Variants in CSMD1 observed in about 807,000 individuals in gnomAD.
CSMD1 encodes CUB and Sushi multiple domains 1.
A neutral mutation model predicts 417.5 loss-of-function variants in CSMD1; 213 were observed. That is an observed-to-expected ratio of 0.51 (90% CI 0.46 to 0.57). The LOEUF is 0.57. CSMD1 is among the 20% of genes least tolerant of loss of function. CSMD1 has a pLI of 0.00. For missense variants in CSMD1, 6,923 were observed against 4,529.7 expected (o/e 1.53, Z -15.17); for synonymous variants, 2,862 against 1,736.8 (o/e 1.65, Z -16.11).
chr8:2,992,788 G>C (rs1028764118), intron 54 of CSMD1, among the ~76,000 whole-genome samples: 4 of 151,948 alleles, frequency 2.6e-5, no homozygotes, highest in Non-Finnish European at 2.9e-5. Flanking sequence ...TGTTGCCCAG[G>C]CTGGAAGTGC....
intron 21 of CSMD1, among the ~76,000 whole-genome samples, chr8:3,356,885 G>C (rs985777662): frequency 6.6e-6 from 1 of 152,128 alleles, no homozygotes; most frequent in South Asian, 2.1e-4. Context: ...TGATTGCTCT[G>C]ATTAGTAGGG....
In CSMD1 at chr8:3,308,507, C is replaced by G. The variant is rs375126893; in HGVS notation, c.3632-4G>C. On this transcript the variant is annotated splice_region_variant and splice_polypyrimidine_tract_variant and intron_variant, in intron 23 of 69. Transcript: ENST00000635120. ...TCACATTTTACCAGATCAAAACCTG[C>G]AAGAGAGAAAGGCAAGGAATGAACA... 1.2e-6 allele frequency: 2 copies of G among 1,606,050 alleles called. No homozygotes were observed. Among genetic ancestry groups the G allele is most frequent in the Admixed American group, 1.7e-5 (1 of 59,572 alleles).
intron 1 of CSMD1, among the ~76,000 whole-genome samples, chr8:4,900,655 T>C (rs953637401): frequency 1.3e-5 from 2 of 152,328 alleles, no homozygotes; most frequent in East Asian, 3.9e-4. Flanking sequence ...GTACTCGCCC[T>C]ACTCTCTGCT....
chr8:4,326,739 T>G (rs1460007634), intron 3 of CSMD1, among the ~76,000 whole-genome samples: 4 of 151,982 alleles, frequency 2.6e-5, no homozygotes. Context: ...CTTGATGGAA[T>G]AGTAATGCCC....
intron 5 of CSMD1, among the ~76,000 whole-genome samples, chr8:3,811,861 T>G (rs1388900841): frequency 6.6e-6 from 1 of 152,188 alleles, no homozygotes; most frequent in Admixed American, 6.5e-5. Flanking sequence ...TTTGTCTTAC[T>G]TAAGCCACTA....
At chr8:4,122,680 G>A (rs1348380091) in intron 3 of CSMD1, among the ~76,000 whole-genome samples, 1 of 152,160 alleles carries the variant, frequency 6.6e-6, no homozygotes, top group Admixed American at 6.5e-5. Flanking sequence ...ACCCTCAGGG[G>A]CTGCAGCTGG....
At chr8:3,419,138 C>T (rs1186290666) in intron 12 of CSMD1, among the ~76,000 whole-genome samples, 1 of 152,210 alleles carries the variant, frequency 6.6e-6, no homozygotes, top group Non-Finnish European at 1.5e-5. Flanking sequence ...GCAAGCTGCG[C>T]TGTTCTCTAA....
chr8:3,673,467 C>G (rs1015815053), intron 7 of CSMD1, among the ~76,000 whole-genome samples: 1 of 152,216 alleles, frequency 6.6e-6, no homozygotes, highest in African/African-American at 2.4e-5. Flanking sequence ...TTATGACAAG[C>G]AAGAATGTGT....
chr8:4,594,287 T>G (rs1405859330), intron 2 of CSMD1, among the ~76,000 whole-genome samples: 1 of 140,976 alleles, frequency 7.1e-6, no homozygotes, highest in Non-Finnish European at 1.5e-5. Context: ...CACTGCAACC[T>G]CTGACTCCTG....
intron 3 of CSMD1, among the ~76,000 whole-genome samples, chr8:4,106,202 G>A (rs80302460): frequency 6.6e-6 from 1 of 152,202 alleles, no homozygotes; most frequent in African/African-American, 2.4e-5. Flanking sequence ...AGATCTATGA[G>A]AGGAATCCAG....
intron 3 of CSMD1, among the ~76,000 whole-genome samples, chr8:4,209,670 G>A (rs112827303): frequency 6.6e-5 from 10 of 152,248 alleles, no homozygotes; most frequent in African/African-American, 2.4e-4. Flanking sequence ...CACCCAGGAA[G>A]GAAATCAAGG....
chr8:2,937,659 GT>G lies in CSMD1; in HGVS notation c.*925del, dbSNP rs1329237906. On this transcript the variant is annotated 3_prime_UTR_variant, in exon 70 of 70. Transcript: ENST00000635120. ...AAACGTGTGAAATAAGGAGGCTTCT[GT>G]TTTTTTCTCATTGGACCTCTTCAAT... The G allele has an allele frequency of 1.3e-5, 2 of 152,130 alleles. No homozygotes were observed. The highest frequency in any genetic ancestry group is 1.5e-5 in the Non-Finnish European group (1 of 68,034). 9.4% of individuals were successfully genotyped at this position (152,130 alleles called of 1,614,324 possible). A position where few individuals can be genotyped will look rare whatever the true frequency, so the allele number is the denominator to read the frequency against.
At chr8:4,050,579 T>C (rs951951505) in intron 3 of CSMD1, among the ~76,000 whole-genome samples, 2 of 152,086 alleles carry the variant, frequency 1.3e-5, no homozygotes, top group Admixed American at 1.3e-4. Flanking sequence ...CATACTACTT[T>C]ATTTCAAAAT....
intron 2 of CSMD1, among the ~76,000 whole-genome samples, chr8:4,560,520 T>A (rs952761944): frequency 2.0e-5 from 3 of 152,278 alleles, no homozygotes; most frequent in African/African-American, 7.2e-5. Flanking sequence ...TAACATGATT[T>A]TGCATGCATG....
intron 49 of CSMD1, among the ~76,000 whole-genome samples, chr8:3,076,341 C>T (rs1266084345): frequency 6.6e-6 from 1 of 152,240 alleles, no homozygotes; most frequent in African/African-American, 2.4e-5. Context: ...ACACCAGCCA[C>T]ATTGGATTAG....
chr8:4,439,923 T>C (rs1256307498), intron 2 of CSMD1, among the ~76,000 whole-genome samples: 3 of 152,030 alleles, frequency 2.0e-5, no homozygotes, highest in East Asian at 1.9e-4. Context: ...TAATAAGGAG[T>C]AATAATATAT....
intron 8 of CSMD1, among the ~76,000 whole-genome samples, chr8:3,606,702 A>G (rs566880225): frequency 1.6e-4 from 20 of 126,124 alleles, no homozygotes; most frequent in Admixed American, 8.7e-4. Context: ...TAACAATTTT[A>G]CTTCGTTACA....
At chr8:4,281,581 T>G (rs980347754) in intron 3 of CSMD1, among the ~76,000 whole-genome samples, 17 of 152,208 alleles carry the variant, frequency 1.1e-4, no homozygotes, top group Non-Finnish European at 2.1e-4. Context: ...TTTTTCTGTT[T>G]TTTGAATCTA....
In CSMD1 at chr8:3,467,295, T is replaced by C. The variant is rs1461039369; in HGVS notation, c.1561+1417A>G. On this transcript the variant is annotated intron_variant, in intron 12 of 69. Coordinates refer to ENST00000635120, the MANE Select transcript of CSMD1 (RefSeq NM_033225.6). ...TGTATCTCAATGCTGCTGAGATGAA[T>C]TTACTGCAATTTGCCCTGTTGGGAA... is the stretch of plus-strand genomic sequence containing the variant. Among the ~76,000 whole-genome samples the C allele has an allele frequency of 2.6e-5, 4 of 152,214 alleles. No individual in the cohort carries two copies. In the East Asian group the frequency reaches 5.8e-4, roughly 22 times the overall value.
Sources: gnomAD v4.1 joint callset for allele counts (sites outside exome capture counted in the v4.1 genomes callset) on GRCh38, gnomAD v4.1.1 for gene constraint, MANE v1.5 for transcripts, NCBI Gene and HGNC (gene_info 2026-07-23, HGNC 2026-07-21) for gene names.